The following EPHB1 variants were observed in gnomAD, a reference collection of about 807,000 sequenced individuals.
The protein encoded by EPHB1 is EPH receptor B1.
EPHB1 carries 30 observed loss-of-function variants against 94.4 expected under a neutral mutation model. That is an observed-to-expected ratio of 0.32 (90% CI 0.24 to 0.43). The LOEUF is 0.43. Among genes scored for constraint, EPHB1 ranks in the 20% least tolerant of loss-of-function variants. EPHB1 has a pLI of 1.00. For missense variants in EPHB1, 1,055 were observed against 1,308.3 expected (o/e 0.81, Z 2.99); for synonymous variants, 522 against 489.1 (o/e 1.07, Z -0.89).
intron 1 of EPHB1, among the ~76,000 whole-genome samples, chr3:134,894,780 G>A (rs894018954): frequency 6.6e-6 from 1 of 152,224 alleles, no homozygotes; most frequent in Admixed American, 6.5e-5. Context: ...CGTCCTCCTC[G>A]TGGTCACCTC....
At chr3:134,953,974 G>A (rs1933139369) in intron 3 of EPHB1, among the ~76,000 whole-genome samples, 1 of 152,180 alleles carries the variant, frequency 6.6e-6, no homozygotes, top group Non-Finnish European at 1.5e-5. Flanking sequence ...TTGAGCTATT[G>A]TGAACATGGC....
rs1942302752 is a variant in EPHB1, at chr3:135,185,412, A to G, written c.1882+5430A>G. ...GCATTTCTAGGAGAAGAAATCATAGACATGTCTCCAGGAACATAGTCAAAG... is the reference window on the plus strand; with the variant it reads ...GCATTTCTAGGAGAAGAAATCATAGGCATGTCTCCAGGAACATAGTCAAAG... On this transcript the variant is annotated intron_variant, in intron 10 of 15. Coordinates refer to ENST00000398015, the MANE Select transcript of EPHB1 (RefSeq NM_004441.5). 2.0e-5 allele frequency among the ~76,000 whole-genome samples: 3 copies of G among 152,238 alleles called. No individual in the cohort carries two copies. In the South Asian group the frequency reaches 6.2e-4, roughly 32 times the overall value.
At chr3:135,161,070 A>C (rs760620273) in intron 6 of EPHB1, among the ~76,000 whole-genome samples, 3 of 152,184 alleles carry the variant, frequency 2.0e-5, no homozygotes, top group Non-Finnish European at 4.4e-5. Context: ...AACATCAAGA[A>C]AGAAAGGAGG....
At chr3:134,825,403 A>G (rs533648125) in intron 1 of EPHB1, among the ~76,000 whole-genome samples, 1 of 152,376 alleles carries the variant, frequency 6.6e-6, no homozygotes, top group East Asian at 1.9e-4. Flanking sequence ...TTAGCCAAGC[A>G]TCCCAGCAAT....
At chr3:134,861,520 C>T (rs781422368) in intron 1 of EPHB1, among the ~76,000 whole-genome samples, 7 of 152,180 alleles carry the variant, frequency 4.6e-5, no homozygotes, top group East Asian at 1.9e-4. Flanking sequence ...AGGAGGCAGA[C>T]GGATTTCAGA....
chr3:134,838,818 C>T (rs1346290019), intron 1 of EPHB1, among the ~76,000 whole-genome samples: 1 of 152,154 alleles, frequency 6.6e-6, no homozygotes, highest in African/African-American at 2.4e-5. Flanking sequence ...ACCCTAATTA[C>T]AAGAAAAGTA....
chr3:134,971,829 A>G (rs1933980043), intron 3 of EPHB1, among the ~76,000 whole-genome samples: 1 of 152,156 alleles, frequency 6.6e-6, no homozygotes, highest in Non-Finnish European at 1.5e-5. Flanking sequence ...GTTGTCTTCT[A>G]TTTCCATCTC....
chr3:134,882,730 C>T (rs1578166782), intron 1 of EPHB1, among the ~76,000 whole-genome samples: 2 of 138,762 alleles, frequency 1.4e-5, no homozygotes, highest in African/African-American at 5.5e-5. Context: ...CTTCTTCTTT[C>T]CTTCTTTCCT....
intron 2 of EPHB1, among the ~76,000 whole-genome samples, chr3:134,935,517 C>T (rs10935142): frequency 0.04 from 6,041 of 152,280 alleles, 143 homozygotes; most frequent in African/African-American, 0.068. Flanking sequence ...CCATTTTCTG[C>T]TAAGTTCTTT....
intron 3 of EPHB1, among the ~76,000 whole-genome samples, chr3:134,959,966 CTTTTTTTTTTTTTTTT>C (rs61369813): frequency 1.7e-3 from 185 of 107,334 alleles, no homozygotes; most frequent in Non-Finnish European, 2.9e-3. Context: ...ACATCTGCAC[CTTTTTTTTTTTTTTTT>C]TTTTTTTTTT....
chr3:134,935,145 C>A (rs2038977413), intron 2 of EPHB1, among the ~76,000 whole-genome samples: 2 of 152,176 alleles, frequency 1.3e-5, no homozygotes, highest in Admixed American at 6.5e-5. Flanking sequence ...GGGCTCCTGA[C>A]AAAGGCACTG....
rs1392302250 is a variant in EPHB1, at chr3:134,796,766, C to G, written c.58+1077C>G. On this transcript the variant is annotated intron_variant, in intron 1 of 15. Transcript: ENST00000398015. Reference sequence around the variant, plus strand: ...TCTAGGGGTGATGCGCTGCCGCAGTCCGGCTAGCAGCCCCACTTTCCGGTG... The same window carrying G: ...TCTAGGGGTGATGCGCTGCCGCAGTGCGGCTAGCAGCCCCACTTTCCGGTG... Among the ~76,000 whole-genome samples the G allele has an allele frequency of 2.6e-5, 4 of 152,258 alleles. No homozygotes were observed. In the East Asian group the frequency reaches 5.8e-4, roughly 22 times the overall value.
At chr3:135,115,654 G>T (rs1430351197) in intron 4 of EPHB1, among the ~76,000 whole-genome samples, 2 of 152,092 alleles carry the variant, frequency 1.3e-5, no homozygotes, top group Non-Finnish European at 2.9e-5. Context: ...CCCTACTGTG[G>T]AATCAGGTAA....
rs1033973055 is a variant in EPHB1 at position 135,259,827 on chromosome 3, A to T, written c.*707A>T. ...CAAATTGGGGAAAAAAAAAGAAGAAAAACCTGTTTCCGTGTGCAAAAGCAC... is the reference window on the plus strand; with the variant it reads ...CAAATTGGGGAAAAAAAAAGAAGAATAACCTGTTTCCGTGTGCAAAAGCAC... On this transcript the variant is annotated 3_prime_UTR_variant, in exon 16 of 16. Coordinates refer to ENST00000398015, the MANE Select transcript of EPHB1 (RefSeq NM_004441.5). 1 of 222,736 alleles carries T rather than the reference A, an allele frequency of 4.5e-6. No individual in the cohort carries two copies. Among genetic ancestry groups the T allele is most frequent in the Non-Finnish European group, 9.0e-6 (1 of 111,142 alleles). 13.8% of individuals were successfully genotyped at this position (222,736 alleles called of 1,614,324 possible).
intron 4 of EPHB1, among the ~76,000 whole-genome samples, chr3:135,123,385 G>C (rs1024436199): frequency 6.6e-6 from 1 of 152,172 alleles, no homozygotes; most frequent in African/African-American, 2.4e-5. Flanking sequence ...ACTGCTTTCA[G>C]ATGCACCTAG....
chr3:135,095,668 G>T (rs1938731668), intron 3 of EPHB1, among the ~76,000 whole-genome samples: 1 of 152,048 alleles, frequency 6.6e-6, no homozygotes, highest in Admixed American at 6.6e-5. Flanking sequence ...CTTGCCTATG[G>T]ATCCCACCCA....
Position 135,200,866 on chromosome 3 carries a change from G to A in EPHB1, c.2131-608G>A, listed in dbSNP as rs116548957. ...GCGGAGAACTGAAGGGCAAGTAGAT[G>A]TCGATTGTTGGAGGGAAAACAGAGG... On this transcript the variant is annotated intron_variant, in intron 11 of 15. Transcript: ENST00000398015. Among the ~76,000 whole-genome samples the A allele has an allele frequency of 3.2e-3, 483 of 152,310 alleles. 1 individual carries two copies. Among genetic ancestry groups the A allele is most frequent in the Non-Finnish European group, 5.4e-3 (367 of 68,022 alleles).
chr3:135,167,156 TC>T, intron 9 of EPHB1, 150 bp downstream of exon 9: 1 of 830,832 alleles, frequency 1.2e-6, no homozygotes, highest in Non-Finnish European at 2.0e-6. Context: ...TTTCTGCAGG[TC>T]CCCAGGGGCA....
chr3:135,165,900 T>C (rs1219180759), intron 7 of EPHB1, 68 bp from the exon 8 acceptor site: 25 of 1,110,474 alleles, frequency 2.3e-5, no homozygotes, highest in Non-Finnish European at 3.4e-5. Flanking sequence ...TTTTTGGTAT[T>C]GTGCACTGAG....
Sources: gnomAD v4.1 joint callset for allele counts (sites outside exome capture counted in the v4.1 genomes callset) on GRCh38, gnomAD v4.1.1 for gene constraint, MANE v1.5 for transcripts, NCBI Gene and HGNC (gene_info 2026-07-23, HGNC 2026-07-21) for gene names.